The following DNAH2 variants were observed in gnomAD, a reference collection of about 807,000 sequenced individuals.
The protein encoded by DNAH2 is dynein axonemal heavy chain 2, also known as axonemal beta dynein heavy chain 2.
A neutral mutation model predicts 523.5 loss-of-function variants in DNAH2; 323 were observed. The ratio of observed to expected loss-of-function variants is 0.62; its 90% confidence interval spans 0.56 to 0.68. The LOEUF (loss-of-function observed/expected upper bound fraction) is 0.68. Among genes scored for constraint, DNAH2 ranks in the 30% least tolerant of loss-of-function variants. DNAH2 has a pLI of 0.00. For missense variants in DNAH2, 4,907 were observed against 5,701.5 expected (o/e 0.86, Z 4.49); for synonymous variants, 2,093 against 2,177.4 (o/e 0.96, Z 1.08).
At chr17:7,788,379 T>A in intron 44 of DNAH2, 135 bp downstream of exon 44, 1 of 1,106,450 alleles carries the variant, frequency 9.0e-7, no homozygotes, top group Non-Finnish European at 1.3e-6. Flanking sequence ...GGGGGAGGCT[T>A]CAACGACCAT....
In DNAH2 at chr17:7,733,095, C is replaced by A; in HGVS notation, c.408C>A (p.Asn136Lys). The stretch of plus-strand genomic sequence containing the variant: ...TGCTGTCTTCCATGCAGACCCAGAA[C>A]CAGCTTGTCTACTTCATTCGCCAAG... ...LELGMPVQTQNQLVYFIRQAP... is the reference protein window; with the variant it reads ...LELGMPVQTQKQLVYFIRQAP... Residue 136 changes from asparagine (N) to lysine (K), a missense_variant, in exon 5 of 86, where the codon AAC becomes AAA. Asn to Lys is a moderately conservative substitution (Grantham distance 94, BLOSUM62 0). Coordinates refer to ENST00000572933, the MANE Select transcript of DNAH2 (RefSeq NM_020877.5). The A allele has an allele frequency of 2.5e-6, 4 of 1,614,112 alleles. 1 individual carries two copies. The South Asian group carries it at 4.4e-5, about 18-fold the overall frequency.
chr17:7,821,688 A>G lies in DNAH2; in HGVS notation c.11142+319A>G, dbSNP rs1031664198. ...CCTGAGTTCCATGGTCGCCCTCACAATCTCTCCCTCACAGGCTCCTCAACC... is the reference window on the plus strand; with the variant it reads ...CCTGAGTTCCATGGTCGCCCTCACAGTCTCTCCCTCACAGGCTCCTCAACC... On this transcript the variant is annotated intron_variant, in intron 73 of 85. Coordinates refer to ENST00000572933, the MANE Select transcript of DNAH2 (RefSeq NM_020877.5). This position sits in a 1 kb window ranked among gnomAD's most constrained non-coding sequence, Gnocchi z 5.0. 1.3e-5 allele frequency among the ~76,000 whole-genome samples: 2 copies of G among 151,436 alleles called. No individual in the cohort carries two copies. The highest frequency in any genetic ancestry group is 4.9e-5 in the African/African-American group (2 of 41,152).
intron 48 of DNAH2, among the ~76,000 whole-genome samples, chr17:7,793,461 TTC>T (rs780214496): frequency 8.2e-6 from 1 of 122,546 alleles, no homozygotes; most frequent in Non-Finnish European, 1.9e-5. Context: ...CTTTCTTTCT[TTC>T]TTTCTTTCTT....
At position 7,786,160 on chromosome 17, in the gene DNAH2, G is replaced by T; in HGVS notation, c.6166G>T (p.Gly2056Cys). ...ETVEQEIRDM[G>C]LQSTPFTLTK... ...CGTTGAGCAGGAGATTCGAGACATG[G>T]GCCTGCAAAGCACGCCGTTCACCCT... Residue 2056 changes from glycine to cysteine, a missense_variant, in exon 40 of 86, where the codon GGC becomes TGC. Coordinates refer to ENST00000572933, the MANE Select transcript of DNAH2 (RefSeq NM_020877.5). The surrounding 1 kb of genome is among the most constrained non-coding windows in gnomAD (Gnocchi z 7.5). 1 of 1,613,906 alleles carries T rather than the reference G, an allele frequency of 6.2e-7. No individual in the cohort carries two copies. The highest frequency in any genetic ancestry group is 8.5e-7 in the Non-Finnish European group (1 of 1,180,012).
At chr17:7,720,962 G>T (rs1209747282) in intron 2 of DNAH2, among the ~76,000 whole-genome samples, 1 of 151,100 alleles carries the variant, frequency 6.6e-6, no homozygotes, top group Non-Finnish European at 1.5e-5. Flanking sequence ...GAACAGCAAG[G>T]ATTTCTGCCT....
At chr17:7,810,341 A>C (rs1458076416) in intron 63 of DNAH2, among the ~76,000 whole-genome samples, 1 of 152,072 alleles carries the variant, frequency 6.6e-6, no homozygotes, top group Non-Finnish European at 1.5e-5. Context: ...CTAGGATTAC[A>C]AGGGTGAGCC....
intron 28 of DNAH2, 45 bp from the exon 29 acceptor site, chr17:7,774,714 G>T: frequency 6.4e-7 from 1 of 1,568,980 alleles, no homozygotes; most frequent in Non-Finnish European, 8.7e-7. Context: ...ATCCGCCCAG[G>T]GCAGTGGAAA....
intron 8 of DNAH2, among the ~76,000 whole-genome samples, chr17:7,737,787 G>A (rs2151145568): frequency 6.6e-6 from 1 of 152,226 alleles, no homozygotes; most frequent in Admixed American, 6.5e-5. Context: ...ACAAGGAGTG[G>A]GCATGGAACC....
chr17:7,761,406 C>T (rs1441838284), intron 18 of DNAH2, among the ~76,000 whole-genome samples: 1 of 152,060 alleles, frequency 6.6e-6, no homozygotes, highest in African/African-American at 2.4e-5. Flanking sequence ...TAGCTGGGAC[C>T]ACAGGCACAT....
chr17:7,816,769 C>G, intron 64 of DNAH2, 34 bp downstream of exon 64: 1 of 1,604,652 alleles, frequency 6.2e-7, no homozygotes, highest in Non-Finnish European at 8.5e-7. Context: ...TGTCCTTTCA[C>G]TCTGCTCGCC....
chr17:7,717,848 G>T lies in DNAH2; in HGVS notation c.-966G>T. ...CGTGGCAAGGTGTGTGTCGGGGGCA[G>T]AGGGAAGGAGGGAAGGAGTGCTGGG... On this transcript the variant is annotated 5_prime_UTR_variant, in exon 1 of 86. Transcript: ENST00000572933. 6.5e-6 allele frequency: 1 copy of T among 152,886 alleles called. No individual in the cohort carries two copies. The allele number at this position is 152,886 out of a possible 1,614,324, so 9.5% of individuals were successfully genotyped here.
rs921571208 is a variant in DNAH2, at chr17:7,821,445, A to C, written c.11142+76A>C. On this transcript the variant is annotated intron_variant, in intron 73 of 85. Coordinates refer to ENST00000572933, the MANE Select transcript of DNAH2 (RefSeq NM_020877.5). This position sits in a 1 kb window ranked among gnomAD's most constrained non-coding sequence, Gnocchi z 5.0. ...TGAGGGCAAGTGTGACAAGGACTCC[A>C]GACCCAGAGGGTCAGGCCCACAGCA... 96 of 1,515,782 alleles carry C rather than the reference A, an allele frequency of 6.3e-5. No individual in the cohort carries two copies. The highest frequency in any genetic ancestry group is 8.5e-5 in the Non-Finnish European group (95 of 1,123,130). 93.9% of individuals were successfully genotyped at this position (1,515,782 alleles called of 1,614,324 possible).
At chr17:7,804,543 C>A in intron 59 of DNAH2, 77 bp downstream of exon 59, 6 of 1,509,022 alleles carry the variant, frequency 4.0e-6, no homozygotes, top group East Asian at 2.4e-5. Flanking sequence ...CATGTTCCCC[C>A]CTTCTTAAAT....
At chr17:7,810,762 A>T (rs764064354) in intron 63 of DNAH2, among the ~76,000 whole-genome samples, 2 of 152,298 alleles carry the variant, frequency 1.3e-5, no homozygotes, top group South Asian at 4.1e-4. Context: ...TTAAGTAAGA[A>T]TCCCTGGCAG....
At chr17:7,757,693 C>A (rs2075883512) in intron 13 of DNAH2, among the ~76,000 whole-genome samples, 1 of 152,170 alleles carries the variant, frequency 6.6e-6, no homozygotes, top group African/African-American at 2.4e-5. Flanking sequence ...GCTTCTATAA[C>A]AAAATGCCAT....
chr17:7,759,949 A>C lies in DNAH2; in HGVS notation c.2785+11A>C. On this transcript the variant is annotated intron_variant, in intron 17 of 85. Transcript: ENST00000572933. ...TCCAAACAGTTGTGGGTGAGTGGGC[A>C]ACGGGGAGGGCACAAGGCACAGGGT... The C allele has an allele frequency of 6.2e-7, 1 of 1,614,194 alleles. No homozygotes were observed. Among genetic ancestry groups the C allele is most frequent in the Non-Finnish European group, 8.5e-7 (1 of 1,180,034 alleles).
At chr17:7,768,582 G>A (rs543263752) in intron 24 of DNAH2, among the ~76,000 whole-genome samples, 1 of 152,268 alleles carries the variant, frequency 6.6e-6, no homozygotes, top group Admixed American at 6.5e-5. Flanking sequence ...TACTCTCAGT[G>A]ATTTTCAAGT....
Position 7,760,813 on chromosome 17 carries a change from G to A in DNAH2, c.2859G>A (p.Gln953=). Reference sequence around the variant, plus strand: ...TGACTAACAACGCAAGCCTGCTGCAGAACTACCTCAAGACCTGGGACATGT... The same window carrying A: ...TGACTAACAACGCAAGCCTGCTGCAAAACTACCTCAAGACCTGGGACATGT... ...SGMTNNASLL[Q]NYLKTWDMYR... The change falls in exon 18 of 86, where the codon CAG becomes CAA. Residue 953 remains glutamine (Q), a synonymous_variant. Transcript: ENST00000572933. This position sits in a 1 kb window ranked among gnomAD's most constrained non-coding sequence, Gnocchi z 4.0. 1.2e-6 allele frequency: 2 copies of A among 1,614,208 alleles called. No individual in the cohort carries two copies. Among genetic ancestry groups the A allele is most frequent in the Non-Finnish European group, 1.7e-6 (2 of 1,180,036 alleles).
chr17:7,798,967 G>A lies in DNAH2; in HGVS notation c.8560-136G>A. On this transcript the variant is annotated intron_variant, in intron 55 of 85. Coordinates refer to ENST00000572933, the MANE Select transcript of DNAH2 (RefSeq NM_020877.5). This position sits in a 1 kb window ranked among gnomAD's most constrained non-coding sequence, Gnocchi z 5.5. ...CAGCTACTCGGGGGTGGGGGGTGCT[G>A]AAGTGGGAGGATGGTTTGAGGCCAG... 2 of 1,300,614 alleles carry A rather than the reference G, an allele frequency of 1.5e-6. No individual in the cohort carries two copies. Among genetic ancestry groups the A allele is most frequent in the Non-Finnish European group, 1.1e-6 (1 of 952,354 alleles). The allele number at this position is 1,300,614 out of a possible 1,614,324, so 80.6% of individuals were successfully genotyped here. A position where few individuals can be genotyped will look rare whatever the true frequency, so the allele number is the denominator to read the frequency against.
Sources: allele counts gnomAD v4.1 joint callset (sites outside exome capture counted in the v4.1 genomes callset), GRCh38; gene constraint gnomAD v4.1.1; non-coding constraint Gnocchi (gnomAD v3.1); transcripts MANE v1.5; gene names NCBI Gene and HGNC (gene_info 2026-07-23, HGNC 2026-07-21).